PAK6: variants seen among roughly 807,000 people sequenced by gnomAD.
PAK6 encodes serine/threonine-protein kinase PAK 6.
A neutral mutation model predicts 60.8 loss-of-function variants in PAK6; 33 were observed. The observed-to-expected ratio is 0.54, with a 90% confidence interval of 0.41 to 0.73. The LOEUF is 0.73. Among genes scored for constraint, PAK6 ranks in the 30% least tolerant of loss-of-function variants. The pLI is 0.00. For missense variants in PAK6, 845 were observed against 904.1 expected (o/e 0.93, Z 0.84); for synonymous variants, 404 against 378.5 (o/e 1.07, Z -0.78).
At chr15:40,269,221 G>A (rs8042885) in intron 5 of PAK6, among the ~76,000 whole-genome samples, 37,566 of 152,094 alleles carry the variant, frequency 0.25, 5,027 homozygotes, top group African/African-American at 0.33. Flanking sequence ...GTTTCACCAT[G>A]TTGCCCAGGC....
At chr15:40,276,112 C>T in exon 11 of PAK6, 1 of 1,611,086 alleles carries the variant, frequency 6.2e-7, no homozygotes. Flanking sequence ...CCAAGTATGC[C>T]TGCCACCTAC....
At chr15:40,270,926 A>G (rs1202145433) in intron 5 of PAK6, among the ~76,000 whole-genome samples, 1 of 152,192 alleles carries the variant, frequency 6.6e-6, no homozygotes, top group Admixed American at 6.5e-5. Context: ...GAGGGTTGCC[A>G]AAGACACTGA....
chr15:40,252,526 C>T (rs768935793), intron 2 of PAK6: 1 of 1,363,040 alleles, frequency 7.3e-7, no homozygotes, highest in South Asian at 1.1e-5. Context: ...CCGCGTCCTA[C>T]CTGAGGCCAC....
intron 3 of PAK6, 147 bp downstream of exon 3, chr15:40,253,436 C>T (rs940486590): frequency 8.3e-6 from 3 of 363,580 alleles, no homozygotes; most frequent in Admixed American, 7.1e-5. Flanking sequence ...CTTCCAGGTG[C>T]CGTCTCTCGA....
rs1566854602 is a variant in PAK6, at chr15:40,266,441, T to A, written c.804T>A (p.Thr268=). Residue 268 remains threonine (T), a synonymous_variant, in exon 5 of 11, where the codon ACT becomes ACA. Transcript: ENST00000560346. ...TATTCCGAAGCATGTTCCTGTCCAC[T>A]GCTGCCACAGCCCCTCCAAGCAGCA... The A allele has an allele frequency of 1.9e-6, 3 of 1,612,838 alleles. No homozygotes were observed. In the East Asian group the frequency reaches 6.7e-5, roughly 36 times the overall value.
At chr15:40,244,201 C>T (rs573712234) in intron 2 of PAK6, among the ~76,000 whole-genome samples, 1 of 151,562 alleles carries the variant, frequency 6.6e-6, no homozygotes, top group African/African-American at 2.4e-5. Flanking sequence ...CGTGGTGGCG[C>T]GTGCCTGTAG....
exon 8 of PAK6, chr15:40,273,430 G>C (rs530451278): frequency 1.2e-6 from 2 of 1,613,912 alleles, no homozygotes; most frequent in Admixed American, 1.7e-5. Context: ...TCATCCACCG[G>C]GACATCAAGA....
chr15:40,250,646 A>C (rs72731470), intron 2 of PAK6: 37,024 of 152,152 alleles, frequency 0.24, 5,407 homozygotes, highest in Non-Finnish European at 0.34. Context: ...GATTCAAACC[A>C]AATTGAATAC....
At chr15:40,274,336 C>T in intron 10 of PAK6, 60 bp downstream of exon 10, 2 of 1,501,744 alleles carry the variant, frequency 1.3e-6, no homozygotes, top group Non-Finnish European at 1.8e-6. Context: ...GCAAGGGGAC[C>T]AGAACCTGGG....
intron 7 of PAK6, 141 bp downstream of exon 7, chr15:40,273,140 G>T: frequency 8.2e-7 from 1 of 1,219,314 alleles, no homozygotes; most frequent in East Asian, 2.4e-5. Flanking sequence ...GAGACCCAGG[G>T]GTCTTGGGAG....
At chr15:40,266,272 C>T in exon 5 of PAK6, 1 of 1,611,378 alleles carries the variant, frequency 6.2e-7, no homozygotes, top group Non-Finnish European at 8.5e-7. Context: ...CCCACGGGCA[C>T]CAATAGGCAT....
intron 5 of PAK6, among the ~76,000 whole-genome samples, chr15:40,268,919 C>T (rs1380898137): frequency 6.6e-6 from 1 of 152,212 alleles, no homozygotes; most frequent in Non-Finnish European, 1.5e-5. Flanking sequence ...CCTGCGGGTT[C>T]CAGTGCCTAC....
exon 1 of PAK6, chr15:40,239,532 C>G (rs1256011036): frequency 2.0e-5 from 3 of 152,438 alleles, no homozygotes; most frequent in African/African-American, 7.2e-5. Flanking sequence ...CTGCCACCCC[C>G]TAAAGATATG....
At chr15:40,266,676 CCCTT>C (rs1290616011) in intron 5 of PAK6, 181 bp downstream of exon 5, 2 of 521,842 alleles carry the variant, frequency 3.8e-6, no homozygotes, top group African/African-American at 1.9e-5. Context: ...CTCCTTCCCT[CCCTT>C]CCTTTCCTTC....
At chr15:40,265,020 C>A in intron 4 of PAK6, 31 bp downstream of exon 4, 1 of 1,596,046 alleles carries the variant, frequency 6.3e-7, no homozygotes, top group Non-Finnish European at 8.6e-7. Flanking sequence ...TGAGGTTCAG[C>A]CTCTCCCAGT....
At chr15:40,241,698 C>T (rs1217870200) in intron 2 of PAK6, among the ~76,000 whole-genome samples, 4 of 152,222 alleles carry the variant, frequency 2.6e-5, no homozygotes, top group South Asian at 2.1e-4. Flanking sequence ...TCCAGTGCCC[C>T]GAGGACAAAC....
rs140221674 is a variant in PAK6, at chr15:40,264,139, G to T, written c.-5-642G>T. 2.8e-4 allele frequency among the ~76,000 whole-genome samples: 43 copies of T among 152,206 alleles called. No homozygotes were observed. The East Asian group carries it at 7.3e-3, about 26-fold the overall frequency. On this transcript the variant is annotated intron_variant, in intron 3 of 10. Transcript: ENST00000560346. ...ATACATAATAGTCCCACACCGGGCA[G>T]CATGTCTGTGATCAGCTGGTTGGCT...
chr15:40,276,650 A>G (rs1485841113), exon 11 of PAK6: 2 of 152,976 alleles, frequency 1.3e-5, no homozygotes, highest in South Asian at 2.1e-4. Flanking sequence ...GCTCCAGGCC[A>G]TGGCTGGGGG....
At chr15:40,246,019 C>T (rs76174598) in intron 2 of PAK6, 1,545 of 152,508 alleles carry the variant, frequency 0.01, 20 homozygotes, top group Non-Finnish European at 0.016. Context: ...GCCCAGCCCA[C>T]GCTTGTCAGT....
Sources: gnomAD v4.1 joint callset for allele counts (sites outside exome capture counted in the v4.1 genomes callset) on GRCh38, gnomAD v4.1.1 for gene constraint, MANE v1.5 for transcripts, NCBI Gene and HGNC (gene_info 2026-07-23, HGNC 2026-07-21) for gene names.